SPAG16: variants seen among roughly 807,000 people sequenced by gnomAD.
The protein encoded by SPAG16 is sperm associated antigen 16, also known as sperm-associated antigen 16 protein.
SPAG16 carries 86 observed loss-of-function variants against 80.4 expected under a neutral mutation model. The observed-to-expected ratio is 1.07, with a 90% CI of 0.90 to 1.28. The LOEUF is 1.28. Ranked by LOEUF, SPAG16 falls within the 50% of genes most tolerant of loss-of-function variation. SPAG16 has a pLI of 0.00. For missense variants in SPAG16, 870 were observed against 765.3 expected (o/e 1.14, Z -1.61); for synonymous variants, 294 against 265.9 (o/e 1.11, Z -1.03).
At chr2:214,187,287 T>C (rs2057510798) in intron 15 of SPAG16, among the ~76,000 whole-genome samples, 1 of 152,148 alleles carries the variant, frequency 6.6e-6, no homozygotes, top group Non-Finnish European at 1.5e-5. Flanking sequence ...ACTTCTCAAT[T>C]ATTCTTTCAC....
rs868276670 is a variant in SPAG16 at position 213,599,973 on chromosome 2, G to A, written c.1070+109883G>A. ...AGTGCTGGGATTACAGGCATGAGCC[G>A]CTGCGCCTGGCCTATTAGTAGTTGT... On this transcript the variant is annotated intron_variant, in intron 10 of 15. Transcript: ENST00000331683. Among the ~76,000 whole-genome samples, 54 of 152,100 alleles carry A rather than the reference G, an allele frequency of 3.6e-4. 1 individual carries two copies. Among genetic ancestry groups the A allele is most frequent in the Middle Eastern group, 6.3e-3 (2 of 316 alleles).
rs1269018956 is a variant in SPAG16, at chr2:213,923,423, G to T, written c.1215-6537G>T. 3.9e-5 allele frequency among the ~76,000 whole-genome samples: 6 copies of T among 152,276 alleles called. No homozygotes were observed. In the Middle Eastern group the frequency reaches 0.014, roughly 345 times the overall value. ...GATCAGTCCAAACAGAAGCCAGACTGCTGGGCCAGAAGCCCCAGCAAGTGT... is the reference window on the plus strand; with the variant it reads ...GATCAGTCCAAACAGAAGCCAGACTTCTGGGCCAGAAGCCCCAGCAAGTGT... On this transcript the variant is annotated intron_variant, in intron 11 of 15. Transcript: ENST00000331683.
At chr2:214,284,605 C>CT (rs1384541935) in intron 15 of SPAG16, among the ~76,000 whole-genome samples, 2 of 152,110 alleles carry the variant, frequency 1.3e-5, no homozygotes. Context: ...ATTTGGAGGT[C>CT]TTTGCGCAGT....
intron 13 of SPAG16, among the ~76,000 whole-genome samples, chr2:214,063,176 GATAAATGGGTACT>G (rs1180482274): frequency 1.3e-5 from 2 of 152,036 alleles, no homozygotes; most frequent in Admixed American, 6.6e-5. Context: ...AGCCATGTGT[GATAAATGGGTACT>G]ATATCAAACA....
Position 214,013,941 on chromosome 2 carries a change from C to G in SPAG16, c.1401-10C>G. The G allele has an allele frequency of 6.2e-7, 1 of 1,611,878 alleles. No homozygotes were observed. Among genetic ancestry groups the G allele is most frequent in the Non-Finnish European group, 8.5e-7 (1 of 1,178,794 alleles). On this transcript the variant is annotated splice_polypyrimidine_tract_variant and intron_variant, in intron 12 of 15. Transcript: ENST00000331683. The stretch of plus-strand genomic sequence containing the variant: ...CTAACTCCTAAAATTCTTAATTTCT[C>G]TCTTTATAGTGAAAGATGCAGATGT...
chr2:213,985,345 G>A (rs1340122678), intron 12 of SPAG16, among the ~76,000 whole-genome samples: 2 of 151,866 alleles, frequency 1.3e-5, no homozygotes, highest in Non-Finnish European at 2.9e-5. Flanking sequence ...TGTATTACTT[G>A]GTAGCACAAA....
At chr2:214,313,249 A>G (rs1156468154) in intron 15 of SPAG16, among the ~76,000 whole-genome samples, 1 of 152,144 alleles carries the variant, frequency 6.6e-6, no homozygotes, top group East Asian at 1.9e-4. Context: ...GCTGCAATAT[A>G]TACTAATTAT....
intron 15 of SPAG16, among the ~76,000 whole-genome samples, chr2:214,279,389 T>C (rs1692724420): frequency 6.6e-6 from 1 of 152,122 alleles, no homozygotes; most frequent in Non-Finnish European, 1.5e-5. Context: ...TGCAAAACAC[T>C]AGGCAATAAA....
intron 12 of SPAG16, among the ~76,000 whole-genome samples, chr2:213,935,095 G>A (rs2078931969): frequency 1.3e-5 from 2 of 151,344 alleles, no homozygotes; most frequent in African/African-American, 2.4e-5. Flanking sequence ...CCAGCTACTT[G>A]GGAGGCTGAG....
At chr2:214,231,271 A>G (rs530056464) in intron 15 of SPAG16, among the ~76,000 whole-genome samples, 1 of 152,138 alleles carries the variant, frequency 6.6e-6, no homozygotes, top group South Asian at 2.1e-4. Context: ...GTCAATCTAG[A>G]ATAGAGGTAA....
intron 10 of SPAG16, among the ~76,000 whole-genome samples, chr2:213,632,808 T>C (rs10185770): frequency 0.41 from 62,836 of 151,992 alleles, 13,571 homozygotes; most frequent in Middle Eastern, 0.53. Context: ...CCTTGCATTC[T>C]AGGGATAAAT....
chr2:213,817,173 T>C (rs1015027869), intron 10 of SPAG16, among the ~76,000 whole-genome samples: 9 of 149,286 alleles, frequency 6.0e-5, no homozygotes, highest in African/African-American at 2.2e-4. Context: ...AGTTTTTATT[T>C]ATTTCTTGAT....
intron 11 of SPAG16, among the ~76,000 whole-genome samples, chr2:213,874,373 A>G (rs2076062022): frequency 6.6e-6 from 1 of 152,168 alleles, no homozygotes; most frequent in South Asian, 2.1e-4. Flanking sequence ...CTGTACAAAA[A>G]TATTTTGTGC....
chr2:214,078,455 G>A (rs1030297643), intron 13 of SPAG16, among the ~76,000 whole-genome samples: 6 of 150,646 alleles, frequency 4.0e-5, no homozygotes, highest in African/African-American at 1.5e-4. Flanking sequence ...ATTCTGGAGG[G>A]TGAGGTGGAA....
At chr2:213,855,602 A>C (rs1224958583) in intron 10 of SPAG16, among the ~76,000 whole-genome samples, 1 of 152,188 alleles carries the variant, frequency 6.6e-6, no homozygotes, top group Admixed American at 6.5e-5. Flanking sequence ...ATTTATGAAG[A>C]AAAGAGATTT....
intron 15 of SPAG16, among the ~76,000 whole-genome samples, chr2:214,175,947 T>A (rs1375575716): frequency 1.3e-5 from 2 of 151,378 alleles, no homozygotes; most frequent in East Asian, 3.9e-4. Flanking sequence ...GAAACAGCAA[T>A]GAGAATTAAT....
intron 15 of SPAG16, among the ~76,000 whole-genome samples, chr2:214,264,032 T>C (rs1009756067): frequency 1.3e-5 from 2 of 152,144 alleles, no homozygotes; most frequent in Non-Finnish European, 2.9e-5. Flanking sequence ...CTACCAGAAT[T>C]ATAAACAAGA....
intron 9 of SPAG16, among the ~76,000 whole-genome samples, chr2:213,473,030 G>C (rs1429361727): frequency 6.6e-6 from 1 of 152,126 alleles, no homozygotes; most frequent in Non-Finnish European, 1.5e-5. Context: ...ACTGGCTCAA[G>C]TCTGGAATTT....
chr2:213,910,831 A>G (rs907222327), intron 11 of SPAG16, among the ~76,000 whole-genome samples: 4 of 152,226 alleles, frequency 2.6e-5, no homozygotes, highest in African/African-American at 9.6e-5. Context: ...TTAAAAGTAT[A>G]TCAACCAGAA....
Sources: allele counts gnomAD v4.1 joint callset (sites outside exome capture counted in the v4.1 genomes callset), GRCh38; gene constraint gnomAD v4.1.1; transcripts MANE v1.5; gene names NCBI Gene and HGNC (gene_info 2026-07-23, HGNC 2026-07-21).